Variants in LYN observed in about 807,000 individuals in gnomAD.
LYN encodes the protein LYN proto-oncogene, Src family tyrosine kinase, also known as tyrosine-protein kinase Lyn.
Under a neutral mutation model 65.0 loss-of-function variants are expected in LYN, and 12 were observed. The observed-to-expected ratio is 0.18, with a 90% confidence interval of 0.12 to 0.30. The LOEUF (loss-of-function observed/expected upper bound fraction) is 0.30. Ranked by LOEUF, LYN falls within the 10% of genes least tolerant of loss-of-function variation. LYN has a pLI of 1.00. For synonymous variants in LYN, 222 were observed against 221.2 expected (o/e 1.00, Z -0.03); for missense variants, 380 against 623.2 (o/e 0.61, Z 4.16).
intron 8 of LYN, among the ~76,000 whole-genome samples, chr8:55,958,282 C>T (rs1429067542): frequency 6.6e-6 from 1 of 152,146 alleles, no homozygotes; most frequent in Non-Finnish European, 1.5e-5. Context: ...TTTTAGAGAA[C>T]TTTTGCTTAA....
rs774442099 is a variant in LYN, at chr8:56,010,135, G to T, written c.*25G>T. On this transcript the variant is annotated 3_prime_UTR_variant, in exon 13 of 13. Coordinates refer to ENST00000519728, the MANE Select transcript of LYN (RefSeq NM_002350.4). ...GAGCACAGGGAGACCCGTCCATTTGGCAGGGGTGGCTGCCTCATTTAGAGA... is the reference window on the plus strand; with the variant it reads ...GAGCACAGGGAGACCCGTCCATTTGTCAGGGGTGGCTGCCTCATTTAGAGA... 6.2e-7 allele frequency: 1 copy of T among 1,611,610 alleles called. No homozygotes were observed. Among genetic ancestry groups the T allele is most frequent in the Admixed American group, 1.7e-5 (1 of 59,984 alleles).
chr8:55,981,105 C>T (rs1807905686), intron 10 of LYN, among the ~76,000 whole-genome samples: 2 of 152,184 alleles, frequency 1.3e-5, no homozygotes, highest in South Asian at 4.1e-4. Context: ...ACTGAGCCCA[C>T]CACGCTCTTC....
At chr8:55,943,642 T>C (rs1250316479) in intron 2 of LYN, among the ~76,000 whole-genome samples, 2 of 151,018 alleles carry the variant, frequency 1.3e-5, no homozygotes, top group Non-Finnish European at 2.9e-5. Context: ...AATGCTCAGG[T>C]GTTTTAGAAA....
At position 55,950,452 on chromosome 8, in the gene LYN, A is replaced by G. The variant is rs946213096; in HGVS notation, c.285-7A>G. 1 of 1,598,210 alleles carries G rather than the reference A, an allele frequency of 6.3e-7. No individual in the cohort carries two copies. The highest frequency in any genetic ancestry group is 8.5e-7 in the Non-Finnish European group (1 of 1,170,544). On this transcript the variant is annotated splice_polypyrimidine_tract_variant and splice_region_variant and intron_variant, in intron 4 of 12. Coordinates refer to ENST00000519728, the MANE Select transcript of LYN (RefSeq NM_002350.4). ...TAGCTTCTTTTTGATGTGTATTTCT[A>G]TTCTAGGCATGGAGAATGGTGGAAA...
At chr8:55,890,723 T>G (rs1392583854) in intron 1 of LYN, among the ~76,000 whole-genome samples, 5 of 99,150 alleles carry the variant, frequency 5.0e-5, no homozygotes, top group Non-Finnish European at 1.0e-4. Flanking sequence ...ATATGTACAT[T>G]GGAATTTTTT....
chr8:55,969,866 T>G, intron 10 of LYN, 73 bp downstream of exon 10: 64 of 1,163,050 alleles, frequency 5.5e-5, no homozygotes, highest in Non-Finnish European at 7.8e-5. Flanking sequence ...ATGAAGGAGT[T>G]ATTGTTCCAG....
intron 1 of LYN, among the ~76,000 whole-genome samples, chr8:55,935,540 G>A (rs1297462628): frequency 6.6e-6 from 1 of 152,088 alleles, no homozygotes; most frequent in Non-Finnish European, 1.5e-5. Flanking sequence ...TTGGGAGGCC[G>A]AGGCGGGTGT....
chr8:55,901,110 G>A, intron 1 of LYN, among the ~76,000 whole-genome samples: 1 of 152,008 alleles, frequency 6.6e-6, no homozygotes, highest in East Asian at 1.9e-4. Flanking sequence ...CTCAGCACTT[G>A]GGCACTTCGT....
chr8:55,987,026 A>G (rs543021947), intron 10 of LYN, among the ~76,000 whole-genome samples: 1 of 152,128 alleles, frequency 6.6e-6, no homozygotes, highest in East Asian at 1.9e-4. Context: ...TAAGTTGACC[A>G]TTTTTTAAAT....
chr8:55,996,236 C>T (rs748606421), intron 10 of LYN, among the ~76,000 whole-genome samples: 16 of 152,106 alleles, frequency 1.1e-4, no homozygotes, highest in Non-Finnish European at 1.5e-4. Context: ...AAGGGGAGTT[C>T]AGGGAAGGCC....
chr8:55,927,208 T>C (rs1456077183), intron 1 of LYN, among the ~76,000 whole-genome samples: 1 of 152,208 alleles, frequency 6.6e-6, no homozygotes, highest in Non-Finnish European at 1.5e-5. Flanking sequence ...TATAGAATAG[T>C]TTCACTGCCT....
chr8:55,931,482 T>C (rs1413976625), intron 1 of LYN, among the ~76,000 whole-genome samples: 1 of 151,562 alleles, frequency 6.6e-6, no homozygotes, highest in Admixed American at 6.6e-5. Flanking sequence ...ACCTTTTAAA[T>C]AAGGTATATA....
chr8:56,000,458 G>T (rs1160227611), intron 12 of LYN, among the ~76,000 whole-genome samples: 1 of 152,042 alleles, frequency 6.6e-6, no homozygotes. Flanking sequence ...GCCAGGTGCA[G>T]TGGCTTACAC....
chr8:55,991,695 A>G (rs1293958378), intron 10 of LYN, among the ~76,000 whole-genome samples: 4 of 152,052 alleles, frequency 2.6e-5, no homozygotes, highest in Non-Finnish European at 4.4e-5. Context: ...AGCTTCAGGC[A>G]CAGGCGTTTT....
intron 10 of LYN, among the ~76,000 whole-genome samples, chr8:55,978,364 G>A (rs1012310978): frequency 6.6e-6 from 1 of 152,250 alleles, no homozygotes; most frequent in African/African-American, 2.4e-5. Flanking sequence ...TAGAAATAGA[G>A]AAGGAATGTG....
chr8:55,940,801 G>A (rs975732589), intron 1 of LYN, among the ~76,000 whole-genome samples: 3 of 152,128 alleles, frequency 2.0e-5, no homozygotes, highest in African/African-American at 7.2e-5. Flanking sequence ...TGCGTTAATG[G>A]AATCACTGGA....
chr8:55,947,784 T>A (rs1406176159), intron 4 of LYN, 61 bp downstream of exon 4: 1 of 1,140,122 alleles, frequency 8.8e-7, no homozygotes, highest in African/African-American at 1.5e-5. Flanking sequence ...TCCTGCAGGC[T>A]GTCCCCTTGT....
At chr8:55,930,100 C>T (rs1585609683) in intron 1 of LYN, among the ~76,000 whole-genome samples, 1 of 152,156 alleles carries the variant, frequency 6.6e-6, no homozygotes, top group Non-Finnish European at 1.5e-5. Flanking sequence ...CATCCTGAAA[C>T]CACCACCCCC....
intron 10 of LYN, among the ~76,000 whole-genome samples, chr8:55,979,581 A>G (rs761611407): frequency 2.6e-5 from 4 of 152,172 alleles, no homozygotes; most frequent in African/African-American, 4.8e-5. Flanking sequence ...CTGAGTCACC[A>G]AAAGTAGCCC....
Sources: gnomAD v4.1 joint callset for allele counts (sites outside exome capture counted in the v4.1 genomes callset) on GRCh38, gnomAD v4.1.1 for gene constraint, MANE v1.5 for transcripts, NCBI Gene and HGNC (gene_info 2026-07-23, HGNC 2026-07-21) for gene names.